Variants in BCR observed in about 807,000 individuals in gnomAD.
BCR encodes breakpoint cluster region protein.
A neutral mutation model predicts 138.6 loss-of-function variants in BCR; 58 were observed. The ratio of observed to expected loss-of-function variants is 0.42; its 90% confidence interval spans 0.34 to 0.52. The LOEUF is 0.52. BCR is among the 20% of genes least tolerant of loss of function. The probability of loss-of-function intolerance (pLI) is 0.06; values close to 1 mark genes in which losing one functional copy is unlikely to be tolerated. For synonymous variants in BCR, 786 were observed against 730.1 expected, an observed-to-expected ratio of 1.08 and a Z score of -1.23; for missense variants, 1,599 against 1,727.2, an observed-to-expected ratio of 0.93 and a Z score of 1.32.
rs776336124 is a variant in BCR, at chr22:23,234,922, T to C, written c.1280-18877T>C. 3.5e-5 allele frequency among the ~76,000 whole-genome samples: 5 copies of C among 143,556 alleles called. 2 individuals are homozygous for C. Among genetic ancestry groups the C allele is most frequent in the Non-Finnish European group, 7.9e-5 (5 of 63,114 alleles). 94.2% of individuals were successfully genotyped at this position (143,556 alleles called of 152,430 possible). A position where few individuals can be genotyped will look rare whatever the true frequency, so the allele number is the denominator to read the frequency against. On this transcript the variant is annotated intron_variant, in intron 1 of 22. Coordinates refer to ENST00000305877, the MANE Select transcript of BCR (RefSeq NM_004327.4). ...GGGGAGTAGAGGGGCATGTGTTGTA[T>C]GGACAGAGCCCTACCATGCTTAGAG... is the stretch of plus-strand genomic sequence containing the variant.
At chr22:23,252,160 A>G (rs1047693557) in intron 1 of BCR, among the ~76,000 whole-genome samples, 5 of 152,120 alleles carry the variant, frequency 3.3e-5, no homozygotes, top group South Asian at 2.1e-4. Context: ...ATTTCGACAG[A>G]CCTGCTGGAA....
chr22:23,298,689 G>A (rs368735331), intron 16 of BCR, among the ~76,000 whole-genome samples: 6 of 152,188 alleles, frequency 3.9e-5, no homozygotes, highest in South Asian at 4.1e-4. Flanking sequence ...TCTGCCTCCC[G>A]GGTTCAAGCG....
At chr22:23,302,469 T>C (rs1247419765) in intron 16 of BCR, 2 of 152,446 alleles carry the variant, frequency 1.3e-5, no homozygotes, top group Middle Eastern at 3.4e-3. Context: ...ACGCAACTTC[T>C]GAGTCGAGGT....
rs6003545 is a variant in BCR, at chr22:23,186,192, G to A, written c.1279+3953G>A. ...AGAAGTTGGAGGGCAGAGAGTAGCC[G>A]TTTGCCCTAAGGAAAAATGGCAGCA... On this transcript the variant is annotated intron_variant, in intron 1 of 22. Coordinates refer to ENST00000305877, the MANE Select transcript of BCR (RefSeq NM_004327.4). Among the ~76,000 whole-genome samples, 735 of 152,330 alleles carry A rather than the reference G, an allele frequency of 4.8e-3. 5 individuals are homozygous for A. The highest frequency in any genetic ancestry group is 0.017 in the African/African-American group (692 of 41,580).
rs1260016973 is a variant in BCR at position 23,182,073 on chromosome 22, G to T, written c.1113G>T (p.Ser371=). The change falls in exon 1 of 23, where the codon TCG becomes TCT. Residue 371 remains serine, a synonymous_variant. Transcript: ENST00000305877. ...TCCGGGACAAAAGCCGCTCTCCCTC[G>T]CAGAACTCGCAACAGTCCTTCGACA... ...RMFRDKSRSP[S]QNSQQSFDSS... is the part of the protein sequence containing the mutation. 6.2e-7 allele frequency: 1 copy of T among 1,613,328 alleles called. No homozygotes were observed. Among genetic ancestry groups the T allele is most frequent in the Admixed American group, 1.7e-5 (1 of 60,030 alleles).
chr22:23,188,467 A>G (rs915287851), intron 1 of BCR, among the ~76,000 whole-genome samples: 1 of 152,122 alleles, frequency 6.6e-6, no homozygotes, highest in Non-Finnish European at 1.5e-5. Flanking sequence ...GTGACTGCTA[A>G]CCTCACCAGG....
At chr22:23,294,974 C>T (rs1198240077) in intron 15 of BCR, 50 bp from the exon 16 acceptor site, 1 of 1,602,668 alleles carries the variant, frequency 6.2e-7, no homozygotes, top group East Asian at 2.2e-5. Context: ...TCAGCCATAA[C>T]ATTGACCCGT....
chr22:23,218,480 C>T (rs762000067), intron 1 of BCR, among the ~76,000 whole-genome samples: 7 of 152,342 alleles, frequency 4.6e-5, no homozygotes, highest in South Asian at 2.1e-4. Context: ...AGCCTTGGCA[C>T]GGGGCCACTG....
intron 1 of BCR, among the ~76,000 whole-genome samples, chr22:23,219,500 T>C (rs1235046126): frequency 1.3e-5 from 2 of 152,202 alleles, no homozygotes; most frequent in Non-Finnish European, 2.9e-5. Context: ...AGGTCCACTA[T>C]TGCATGGCCA....
At chr22:23,202,517 CT>C (rs1459848562) in intron 1 of BCR, among the ~76,000 whole-genome samples, 1 of 152,108 alleles carries the variant, frequency 6.6e-6, no homozygotes, top group Non-Finnish European at 1.5e-5. Context: ...AAGAACAGTG[CT>C]TCTTCCCCCA....
chr22:23,294,094 G>A (rs950629037), intron 15 of BCR, among the ~76,000 whole-genome samples: 2 of 152,106 alleles, frequency 1.3e-5, no homozygotes, highest in African/African-American at 2.4e-5. Context: ...TTTAAAGAGC[G>A]GTTTTAGGTT....
chr22:23,230,253 A>G (rs1203512702), intron 1 of BCR, among the ~76,000 whole-genome samples: 1 of 152,040 alleles, frequency 6.6e-6, no homozygotes, highest in Admixed American at 6.5e-5. Context: ...CAGAATTTGT[A>G]CCTGTGGATA....
chr22:23,262,010 C>T (rs2146276134), intron 4 of BCR: 1 of 154,438 alleles, frequency 6.5e-6, no homozygotes, highest in South Asian at 2.0e-4. Context: ...AAGCCATCCT[C>T]CGGCCTCAGC....
rs2074066981 is a variant in BCR at position 23,315,879 on chromosome 22, G to A, written c.*357G>A. 2.3e-5 allele frequency: 10 copies of A among 428,974 alleles called. No homozygotes were observed. Among genetic ancestry groups the A allele is most frequent in the South Asian group, 1.1e-4 (5 of 47,478 alleles). 26.6% of individuals were successfully genotyped at this position (428,974 alleles called of 1,614,324 possible). The stretch of plus-strand genomic sequence containing the variant: ...TCTACTGGATCACTTGTCAAGATGC[G>A]CCCTCTCTGGGGAGAAGGGAACGTG... On this transcript the variant is annotated 3_prime_UTR_variant, in exon 23 of 23. Transcript: ENST00000305877.
intron 1 of BCR, among the ~76,000 whole-genome samples, chr22:23,226,772 G>A (rs2072899119): frequency 6.6e-6 from 1 of 152,218 alleles, no homozygotes; most frequent in Admixed American, 6.5e-5. Flanking sequence ...CTCTTTCCAG[G>A]AAAAGTTTGA....
At chr22:23,219,359 C>A (rs77979912) in intron 1 of BCR, among the ~76,000 whole-genome samples, 3 of 152,140 alleles carry the variant, frequency 2.0e-5, no homozygotes, top group Non-Finnish European at 4.4e-5. Context: ...CAAAGCCTCC[C>A]CCCGGATCCC....
chr22:23,187,648 T>A (rs1170603413), intron 1 of BCR, among the ~76,000 whole-genome samples: 1 of 152,184 alleles, frequency 6.6e-6, no homozygotes, highest in Admixed American at 6.5e-5. Context: ...CCTTTTTCTT[T>A]TTTTCCCCCA....
At chr22:23,241,640 C>T (rs2073093416) in intron 1 of BCR, among the ~76,000 whole-genome samples, 1 of 152,188 alleles carries the variant, frequency 6.6e-6, no homozygotes, top group East Asian at 1.9e-4. Context: ...AGAAGCTCAG[C>T]ATCCCCTCTG....
intron 1 of BCR, among the ~76,000 whole-genome samples, chr22:23,206,222 G>A (rs1357315558): frequency 2.6e-5 from 4 of 152,106 alleles, no homozygotes; most frequent in Non-Finnish European, 4.4e-5. Context: ...TGGGGTAATG[G>A]GCATTCATGA....
Sources: gnomAD v4.1 joint callset for allele counts (sites outside exome capture counted in the v4.1 genomes callset) on GRCh38, gnomAD v4.1.1 for gene constraint, MANE v1.5 for transcripts, NCBI Gene and HGNC (gene_info 2026-07-23, HGNC 2026-07-21) for gene names.